Variants in CDK5RAP2 observed in about 807,000 individuals in gnomAD.
CDK5RAP2 encodes CDK5 regulatory subunit-associated protein 2.
In CDK5RAP2, 147 loss-of-function variants were observed where a neutral mutation model predicts 232.9. The observed-to-expected ratio is 0.63, with a 90% CI of 0.55 to 0.72. The LOEUF is 0.72. Ranked by LOEUF, CDK5RAP2 falls within the 30% of genes least tolerant of loss-of-function variation. The pLI is 0.00. For synonymous variants in CDK5RAP2, 833 were observed against 833.7 expected (o/e 1.00, Z 0.01); for missense variants, 2,195 against 2,231.5 (o/e 0.98, Z 0.33).
intron 14 of CDK5RAP2, among the ~76,000 whole-genome samples, chr9:120,486,859 C>T (rs988939272): frequency 1.4e-4 from 22 of 152,218 alleles, no homozygotes; most frequent in African/African-American, 5.1e-4. Context: ...CAGAGAGGTA[C>T]AAACATGGTG....
At chr9:120,542,949 TGGGAGGAGGTGAGAG>T (rs998631802) in intron 5 of CDK5RAP2, among the ~76,000 whole-genome samples, 3 of 152,298 alleles carry the variant, frequency 2.0e-5, no homozygotes, top group Admixed American at 6.5e-5. Flanking sequence ...GCATTTGGGC[TGGGAGGAGGTGAGAG>T]GGGAGGAGGT....
At chr9:120,502,307 G>T (rs925744633) in intron 12 of CDK5RAP2, among the ~76,000 whole-genome samples, 1 of 152,144 alleles carries the variant, frequency 6.6e-6, no homozygotes, top group Non-Finnish European at 1.5e-5. Flanking sequence ...AAATGTTCAC[G>T]TATCATGCTG....
chr9:120,455,370 TAAAAA>T (rs77949035), intron 20 of CDK5RAP2, among the ~76,000 whole-genome samples: 1 of 94,180 alleles, frequency 1.1e-5, no homozygotes, highest in African/African-American at 3.7e-5. Flanking sequence ...TACAACACGT[TAAAAA>T]AAAAAAAAAA....
intron 19 of CDK5RAP2, among the ~76,000 whole-genome samples, chr9:120,459,474 A>C (rs2036964065): frequency 1.3e-5 from 2 of 152,212 alleles, no homozygotes; most frequent in African/African-American, 4.8e-5. Flanking sequence ...ATGGAAGACA[A>C]GACCTACACA....
chr9:120,432,628 T>C (rs2035353099), intron 25 of CDK5RAP2, among the ~76,000 whole-genome samples: 1 of 152,218 alleles, frequency 6.6e-6, no homozygotes, highest in South Asian at 2.1e-4. Context: ...TTTATGCTTT[T>C]TGTAGGAGAA....
chr9:120,462,455 A>T (rs987660396), intron 18 of CDK5RAP2, among the ~76,000 whole-genome samples: 3 of 151,878 alleles, frequency 2.0e-5, no homozygotes, highest in African/African-American at 7.3e-5. Flanking sequence ...AAAAAAAAAA[A>T]GTGTGTCCCA....
chr9:120,411,732 G>C (rs1249399043), intron 28 of CDK5RAP2, among the ~76,000 whole-genome samples: 3 of 152,152 alleles, frequency 2.0e-5, no homozygotes, highest in Admixed American at 6.5e-5. Context: ...GAGTGAGTGA[G>C]AGTCTTCACC....
At chr9:120,402,197 G>A (rs944230704) in intron 34 of CDK5RAP2, among the ~76,000 whole-genome samples, 1 of 151,962 alleles carries the variant, frequency 6.6e-6, no homozygotes, top group Non-Finnish European at 1.5e-5. Flanking sequence ...GGAGGCTGAG[G>A]CAGGAGGATT....
chr9:120,476,763 G>C (rs774186028), intron 15 of CDK5RAP2, among the ~76,000 whole-genome samples: 3 of 151,944 alleles, frequency 2.0e-5, no homozygotes, highest in Admixed American at 6.6e-5. Context: ...CAGAGGCCCA[G>C]AGCAGCACTT....
intron 11 of CDK5RAP2, among the ~76,000 whole-genome samples, chr9:120,524,527 A>C (rs1252258224): frequency 6.6e-6 from 1 of 152,098 alleles, no homozygotes. Context: ...AATGCCAGCT[A>C]CTCAGGATGC....
chr9:120,556,430 T>C (rs1393655121), intron 3 of CDK5RAP2, among the ~76,000 whole-genome samples: 3 of 151,816 alleles, frequency 2.0e-5, no homozygotes, highest in Admixed American at 6.6e-5. Context: ...TTTTAGTAAA[T>C]ACTTTTTTTT....
chr9:120,420,396 C>A (rs904481620), intron 26 of CDK5RAP2, among the ~76,000 whole-genome samples: 1 of 152,164 alleles, frequency 6.6e-6, no homozygotes, highest in African/African-American at 2.4e-5. Flanking sequence ...TGGTCAGAGG[C>A]ACAGTTTAGA....
chr9:120,401,700 CT>C (rs1340741372), intron 34 of CDK5RAP2, among the ~76,000 whole-genome samples: 1 of 150,762 alleles, frequency 6.6e-6, no homozygotes. Flanking sequence ...ATGAAAATAT[CT>C]GGGCTGGGTG....
At chr9:120,484,938 G>T (rs1412991046) in intron 14 of CDK5RAP2, among the ~76,000 whole-genome samples, 2 of 150,002 alleles carry the variant, frequency 1.3e-5, no homozygotes, top group African/African-American at 2.5e-5. Context: ...TGCTCAGACT[G>T]GTCTCCAACT....
At chr9:120,529,365 G>A (rs553146021) in intron 8 of CDK5RAP2, among the ~76,000 whole-genome samples, 25 of 152,222 alleles carry the variant, frequency 1.6e-4, no homozygotes, top group African/African-American at 5.8e-4. Context: ...CGCCTAGGGC[G>A]GGGGCAGGAG....
chr9:120,399,365 T>C (rs1341755153), intron 35 of CDK5RAP2, among the ~76,000 whole-genome samples: 4 of 152,060 alleles, frequency 2.6e-5, no homozygotes, highest in Non-Finnish European at 4.4e-5. Context: ...TTTGGGTGTA[T>C]AGAAAAAAAA....
intron 3 of CDK5RAP2, among the ~76,000 whole-genome samples, chr9:120,552,005 AAAC>A (rs1317300567): frequency 4.6e-5 from 7 of 152,094 alleles, no homozygotes; most frequent in African/African-American, 1.7e-4. Flanking sequence ...AGAAAAAAAC[AAAC>A]AACCCCATCA....
intron 4 of CDK5RAP2, among the ~76,000 whole-genome samples, chr9:120,549,155 C>CA (rs35413563): frequency 2.6e-4 from 35 of 134,056 alleles, no homozygotes; most frequent in East Asian, 8.9e-4. Flanking sequence ...GACTCTGTCT[C>CA]AAAAAAAAAA....
At chr9:120,527,729 G>A (rs1381473341) in intron 10 of CDK5RAP2, 77 bp downstream of exon 10, 1 of 1,531,692 alleles carries the variant, frequency 6.5e-7, no homozygotes, top group Admixed American at 1.7e-5. Flanking sequence ...TTTATCTGAA[G>A]CTAAAAATTC....
Sources: allele counts gnomAD v4.1 joint callset (sites outside exome capture counted in the v4.1 genomes callset), GRCh38; gene constraint gnomAD v4.1.1; transcripts MANE v1.5; gene names NCBI Gene and HGNC (gene_info 2026-07-23, HGNC 2026-07-21).